Variants in PTPRN2 observed in about 807,000 individuals in gnomAD.
PTPRN2 encodes the protein protein tyrosine phosphatase receptor type N2.
A neutral mutation model predicts 118.8 loss-of-function variants in PTPRN2; 74 were observed. The ratio of observed to expected loss-of-function variants is 0.62; its 90% CI spans 0.52 to 0.76. PTPRN2 has a LOEUF of 0.76. PTPRN2 is among the 30% of genes least tolerant of loss of function. PTPRN2 has a pLI of 0.00. For synonymous variants in PTPRN2, 641 were observed against 608.0 expected, an observed-to-expected ratio of 1.05 and a Z score of -0.80; for missense variants, 1,481 against 1,394.4, an observed-to-expected ratio of 1.06 and a Z score of -0.99.
chr7:158,264,471 C>T (rs1028128562), intron 3 of PTPRN2, among the ~76,000 whole-genome samples: 12 of 152,280 alleles, frequency 7.9e-5, no homozygotes, highest in Admixed American at 2.0e-4. Context: ...TGAAGTTCAC[C>T]GCCTAAGCCA....
chr7:157,602,251 A>G (rs1228776557), intron 16 of PTPRN2, among the ~76,000 whole-genome samples: 1 of 152,226 alleles, frequency 6.6e-6, no homozygotes, highest in Non-Finnish European at 1.5e-5. Context: ...AGTCTCTCAA[A>G]GCTGAACATG....
chr7:157,647,029 G>A (rs1805147067), intron 14 of PTPRN2, among the ~76,000 whole-genome samples: 1 of 149,288 alleles, frequency 6.7e-6, no homozygotes, highest in South Asian at 2.2e-4. Context: ...ACTGAACTCG[G>A]TGGGTCGGAC....
chr7:157,569,236 C>A (rs1056411223), intron 20 of PTPRN2, among the ~76,000 whole-genome samples: 2 of 152,252 alleles, frequency 1.3e-5, no homozygotes, highest in South Asian at 4.1e-4. Flanking sequence ...TTGTTCCCCC[C>A]TCTTTGGCCA....
chr7:158,512,569 C>A (rs1823254988), intron 1 of PTPRN2, among the ~76,000 whole-genome samples: 1 of 152,188 alleles, frequency 6.6e-6, no homozygotes, highest in Non-Finnish European at 1.5e-5. Context: ...GTCACACACA[C>A]ACACACACAT....
At chr7:157,852,408 G>A (rs930876648) in intron 12 of PTPRN2, among the ~76,000 whole-genome samples, 1 of 152,214 alleles carries the variant, frequency 6.6e-6, no homozygotes, top group African/African-American at 2.4e-5. Context: ...AGATCTGCAT[G>A]TTTTAATCAA....
chr7:158,547,144 A>C (rs1229288154), intron 1 of PTPRN2, among the ~76,000 whole-genome samples: 1 of 152,250 alleles, frequency 6.6e-6, no homozygotes, highest in Non-Finnish European at 1.5e-5. Flanking sequence ...TTTTTTAACT[A>C]AACTTTTTTT....
At chr7:158,248,946 C>A (rs532752628) in intron 3 of PTPRN2, among the ~76,000 whole-genome samples, 9 of 150,012 alleles carry the variant, frequency 6.0e-5, no homozygotes, top group African/African-American at 2.0e-4. Flanking sequence ...ACACATGCAC[C>A]CACATCACAT....
rs546665322 is a variant in PTPRN2, at chr7:158,083,600, G to A, written c.1644-2223C>T. On this transcript the variant is annotated intron_variant, in intron 10 of 22. Transcript: ENST00000389418. Reference sequence around the variant, plus strand: ...AAGCATGTGACCCATACATGGCCCCGTATTTCACGTGGGGGCCGCAGGAGA... The same window carrying A: ...AAGCATGTGACCCATACATGGCCCCATATTTCACGTGGGGGCCGCAGGAGA... 4.6e-5 allele frequency among the ~76,000 whole-genome samples: 7 copies of A among 152,338 alleles called. No individual in the cohort carries two copies. In the East Asian group the frequency reaches 5.8e-4, roughly 13 times the overall value.
intron 11 of PTPRN2, among the ~76,000 whole-genome samples, chr7:157,940,758 A>T (rs1475593575): frequency 1.1e-5 from 1 of 87,252 alleles, no homozygotes; most frequent in Non-Finnish European, 2.0e-5. Context: ...CAAATCTGAC[A>T]CCCTCCCCAC....
At chr7:157,851,034 G>A (rs139841060) in intron 12 of PTPRN2, among the ~76,000 whole-genome samples, 1 of 152,350 alleles carries the variant, frequency 6.6e-6, no homozygotes, top group Non-Finnish European at 1.5e-5. Context: ...AGGCGGCGAG[G>A]GAGGTACCGT....
intron 2 of PTPRN2, among the ~76,000 whole-genome samples, chr7:158,356,099 C>T (rs1410807507): frequency 6.6e-6 from 1 of 152,108 alleles, no homozygotes; most frequent in East Asian, 1.9e-4. Context: ...TCTTGGCTGT[C>T]TTTATGGTAT....
intron 13 of PTPRN2, among the ~76,000 whole-genome samples, chr7:157,658,489 C>G (rs1265795496): frequency 6.6e-6 from 1 of 152,206 alleles, no homozygotes; most frequent in East Asian, 1.9e-4. Context: ...CCTCCTTCCC[C>G]AGGCAAAGCT....
At position 157,716,206 on chromosome 7, in the gene PTPRN2, C is replaced by A. The variant is rs117004149; in HGVS notation, c.1789-33269G>T. Among the ~76,000 whole-genome samples, 212 of 148,800 alleles carry A rather than the reference C, an allele frequency of 1.4e-3. 1 individual carries two copies. The highest frequency in any genetic ancestry group is 4.5e-3 in the African/African-American group (176 of 38,850). On this transcript the variant is annotated intron_variant, in intron 12 of 22. Transcript: ENST00000389418. ...TGTGAGGAACTCATACACCTGAGTC[C>A]TCGTCCTAAGAAGTCGCAGTTGTTG...
Position 157,792,535 on chromosome 7 carries a change from C to A in PTPRN2, c.1788+106138G>T, listed in dbSNP as rs373181025. On this transcript the variant is annotated intron_variant, in intron 12 of 22. Transcript: ENST00000389418. ...GGGGTGGGGATCCCACATGGCACGG[C>A]TCCTGCACGTCCAGGGCATCTGCTA... is the stretch of plus-strand genomic sequence containing the variant. Among the ~76,000 whole-genome samples, 141 of 152,356 alleles carry A rather than the reference C, an allele frequency of 9.3e-4. No homozygotes were observed. The Middle Eastern group carries it at 0.01, about 11-fold the overall frequency.
intron 12 of PTPRN2, among the ~76,000 whole-genome samples, chr7:157,723,488 G>A (rs1023530150): frequency 1.3e-5 from 2 of 152,282 alleles, no homozygotes; most frequent in African/African-American, 2.4e-5. Context: ...CCCCACACCA[G>A]CATGTCACTG....
intron 1 of PTPRN2, among the ~76,000 whole-genome samples, chr7:158,542,757 G>A (rs1312543208): frequency 2.6e-5 from 4 of 152,168 alleles, no homozygotes; most frequent in Non-Finnish European, 4.4e-5. Context: ...CATTGATGTG[G>A]GTCAACAGCA....
intron 11 of PTPRN2, among the ~76,000 whole-genome samples, chr7:157,916,681 G>A (rs1044355118): frequency 6.6e-6 from 1 of 152,220 alleles, no homozygotes; most frequent in African/African-American, 2.4e-5. Flanking sequence ...TCGAGGAGAT[G>A]CTTAGGAGCC....
chr7:157,567,576 C>G (rs2150506923), intron 21 of PTPRN2, among the ~76,000 whole-genome samples: 1 of 151,948 alleles, frequency 6.6e-6, no homozygotes, highest in East Asian at 1.9e-4. Flanking sequence ...AAGGAAAATG[C>G]TTATTTTAAA....
intron 3 of PTPRN2, among the ~76,000 whole-genome samples, chr7:158,238,046 G>A (rs948793668): frequency 6.6e-6 from 1 of 152,126 alleles, no homozygotes; most frequent in Non-Finnish European, 1.5e-5. Context: ...GCAGGGCTGG[G>A]GCACACACAC....
Sources: allele counts gnomAD v4.1 joint callset (sites outside exome capture counted in the v4.1 genomes callset), GRCh38; gene constraint gnomAD v4.1.1; transcripts MANE v1.5; gene names NCBI Gene and HGNC (gene_info 2026-07-23, HGNC 2026-07-21).